Variants in CSMD1 observed in about 807,000 individuals in gnomAD.
The protein encoded by CSMD1 is CUB and sushi domain-containing protein 1.
In CSMD1, 213 loss-of-function variants were observed where a neutral mutation model predicts 417.5. The ratio of observed to expected loss-of-function variants is 0.51; its 90% CI spans 0.46 to 0.57. The LOEUF (loss-of-function observed/expected upper bound fraction) is 0.57, where lower values mean the gene tolerates loss of function less well. Among genes scored for constraint, CSMD1 ranks in the 20% least tolerant of loss-of-function variants. The pLI, the probability that CSMD1 is intolerant of heterozygous loss-of-function variation, is 0.00. For missense variants in CSMD1, 6,923 were observed against 4,529.7 expected, an observed-to-expected ratio of 1.53 and a Z score of -15.17; for synonymous variants, 2,862 against 1,736.8, an observed-to-expected ratio of 1.65 and a Z score of -16.11.
intron 5 of CSMD1, among the ~76,000 whole-genome samples, chr8:3,820,149 T>C (rs1315379513): frequency 2.6e-5 from 4 of 152,180 alleles, no homozygotes; most frequent in East Asian, 3.9e-4. Context: ...GTCAGTTTAA[T>C]TTGAATGCCT....
chr8:4,014,661 G>C (rs1030386207), intron 4 of CSMD1, among the ~76,000 whole-genome samples: 3 of 152,306 alleles, frequency 2.0e-5, no homozygotes, highest in East Asian at 1.9e-4. Flanking sequence ...CAAGAAAAGA[G>C]CTCGTCTGAG....
intron 3 of CSMD1, among the ~76,000 whole-genome samples, chr8:4,333,961 G>A (rs746573561): frequency 1.3e-5 from 2 of 151,966 alleles, no homozygotes; most frequent in Non-Finnish European, 2.9e-5. Flanking sequence ...ACACCATCAC[G>A]GCTCACTGCA....
At chr8:3,445,908 T>G (rs2117081279) in intron 12 of CSMD1, among the ~76,000 whole-genome samples, 1 of 152,320 alleles carries the variant, frequency 6.6e-6, no homozygotes, top group African/African-American at 2.4e-5. Flanking sequence ...ATCTATCATC[T>G]TGACTCCAAA....
intron 2 of CSMD1, among the ~76,000 whole-genome samples, chr8:4,465,623 G>A (rs548572005): frequency 4.6e-5 from 7 of 152,240 alleles, no homozygotes; most frequent in East Asian, 3.9e-4. Context: ...TTAAGTTAAG[G>A]CCTCAGTAGA....
intron 5 of CSMD1, among the ~76,000 whole-genome samples, chr8:3,873,526 G>T (rs1805621734): frequency 6.6e-6 from 1 of 151,854 alleles, no homozygotes; most frequent in South Asian, 2.1e-4. Flanking sequence ...ACACATAAAG[G>T]GAAAAACAGA....
At position 2,960,490 on chromosome 8, in the gene CSMD1, C is replaced by A. The variant is rs1803361368; in HGVS notation, c.9702+651G>T. On this transcript the variant is annotated intron_variant, in intron 62 of 69. Transcript: ENST00000635120. ...AGATAACAGTGAAGTTATGGGAGTA[C>A]TTAAGATGGTTAAAACATTTTATTT... Among the ~76,000 whole-genome samples the A allele has an allele frequency of 3.3e-5, 5 of 152,164 alleles. No individual in the cohort carries two copies. In the South Asian group the frequency reaches 1.0e-3, roughly 32 times the overall value.
At chr8:4,473,322 G>T (rs1438353045) in intron 2 of CSMD1, among the ~76,000 whole-genome samples, 1 of 152,168 alleles carries the variant, frequency 6.6e-6, no homozygotes, top group Admixed American at 6.5e-5. Flanking sequence ...CAAAAGGAGG[G>T]AAAATCAGCA....
At chr8:3,796,310 T>TATAGATATCTATCATGTATAGATATAG in intron 5 of CSMD1, among the ~76,000 whole-genome samples, 1 of 90,192 alleles carries the variant, frequency 1.1e-5, no homozygotes, top group Admixed American at 1.2e-4. Context: ...CATGTATAGA[T>TATAGATATCTATCATGTATAGATATAG]ATAGATATCT....
intron 1 of CSMD1, among the ~76,000 whole-genome samples, chr8:4,790,296 C>T (rs947281208): frequency 7.2e-5 from 11 of 152,066 alleles, no homozygotes; most frequent in South Asian, 6.2e-4. Flanking sequence ...ACCTCTACCA[C>T]GAGAATTACA....
rs374751635 is a variant in CSMD1, at chr8:3,387,573, C to T, written c.2703G>A (p.Pro901=). ...IRSTVTFSCD[P]GYTLSDDEPL... is the part of the protein sequence containing the mutation. ...GCTCGTCGTCACTTAGTGTGTACCC[C>T]GGGTCACAGCTGAAAGTCACTGTGG... Residue 901 remains proline (P), a synonymous_variant, in exon 18 of 70, where the codon CCG becomes CCA. Transcript: ENST00000635120. 10 of 1,600,678 alleles carry T rather than the reference C, an allele frequency of 6.2e-6. No homozygotes were observed. The African/African-American group carries it at 6.7e-5, about 11-fold the overall frequency.
chr8:4,324,617 T>A (rs551100595), intron 3 of CSMD1, among the ~76,000 whole-genome samples: 7 of 152,340 alleles, frequency 4.6e-5, no homozygotes, highest in African/African-American at 7.2e-5. Context: ...TGGCCATTTA[T>A]GACCTCCCAT....
intron 1 of CSMD1, among the ~76,000 whole-genome samples, chr8:4,772,499 T>A (rs1796652121): frequency 6.6e-6 from 1 of 152,178 alleles, no homozygotes; most frequent in African/African-American, 2.4e-5. Flanking sequence ...AATATAACAT[T>A]CACAGGATCT....
intron 3 of CSMD1, among the ~76,000 whole-genome samples, chr8:4,083,377 A>T (rs1361443065): frequency 6.6e-6 from 1 of 152,038 alleles, no homozygotes; most frequent in Non-Finnish European, 1.5e-5. Flanking sequence ...GATGGTGAGC[A>T]TTTTTTCATG....
intron 3 of CSMD1, among the ~76,000 whole-genome samples, chr8:4,055,032 A>C (rs1017209353): frequency 6.6e-6 from 1 of 152,246 alleles, no homozygotes; most frequent in East Asian, 1.9e-4. Flanking sequence ...CCTATTTCAC[A>C]AACTTACATG....
intron 2 of CSMD1, among the ~76,000 whole-genome samples, chr8:4,443,666 G>T (rs925239021): frequency 2.0e-5 from 3 of 152,184 alleles, no homozygotes; most frequent in African/African-American, 7.2e-5. Flanking sequence ...TAAAGAAATA[G>T]CATTTATACC....
intron 69 of CSMD1, among the ~76,000 whole-genome samples, chr8:2,941,087 G>T (rs1585027968): frequency 6.6e-6 from 1 of 152,194 alleles, no homozygotes; most frequent in African/African-American, 2.4e-5. Context: ...CATCGGACTT[G>T]TGTGTATTGG....
At chr8:3,349,848 AATATAT>A (rs1478147304) in intron 21 of CSMD1, among the ~76,000 whole-genome samples, 1 of 139,806 alleles carries the variant, frequency 7.2e-6, no homozygotes. Flanking sequence ...TCTAGATATA[AATATAT>A]ATAATTATAT....
chr8:3,283,438 C>T (rs1273781536), intron 26 of CSMD1, among the ~76,000 whole-genome samples: 3 of 151,586 alleles, frequency 2.0e-5, no homozygotes, highest in Non-Finnish European at 2.9e-5. Flanking sequence ...TAAAGTCGTA[C>T]GTTTTTTTTT....
intron 50 of CSMD1, among the ~76,000 whole-genome samples, chr8:3,050,258 G>A (rs1811732250): frequency 6.6e-6 from 1 of 152,134 alleles, no homozygotes; most frequent in Non-Finnish European, 1.5e-5. Context: ...TATAAAAGGG[G>A]TATAGGATTT....
Sources: allele counts gnomAD v4.1 joint callset (sites outside exome capture counted in the v4.1 genomes callset), GRCh38; gene constraint gnomAD v4.1.1; transcripts MANE v1.5; gene names NCBI Gene and HGNC (gene_info 2026-07-23, HGNC 2026-07-21).